Variants in FNDC3B observed in about 807,000 individuals in gnomAD.
The protein encoded by FNDC3B is fibronectin type III domain containing 3B, also known as fibronectin type III domain-containing protein 3B.
FNDC3B carries 12 observed loss-of-function variants against 151.5 expected under a neutral mutation model. The observed-to-expected ratio is 0.08, with a 90% CI of 0.05 to 0.13. The LOEUF (loss-of-function observed/expected upper bound fraction) is 0.13, where lower values mean the gene tolerates loss of function less well. FNDC3B is among the 10% of genes least tolerant of loss of function. The pLI, the probability that FNDC3B is intolerant of heterozygous loss-of-function variation, is 1.00. For missense variants in FNDC3B, 1,214 were observed against 1,505.3 expected (o/e 0.81, Z 3.20); for synonymous variants, 528 against 549.0 (o/e 0.96, Z 0.54).
chr3:172,059,233 TA>T (rs1213783741), intron 1 of FNDC3B, among the ~76,000 whole-genome samples: 2 of 152,058 alleles, frequency 1.3e-5, no homozygotes, highest in African/African-American at 2.4e-5. Context: ...GGGAGCATTT[TA>T]AAAATATTTT....
At chr3:172,174,979 C>G (rs1723504307) in intron 3 of FNDC3B, among the ~76,000 whole-genome samples, 1 of 132,254 alleles carries the variant, frequency 7.6e-6, no homozygotes, top group East Asian at 2.6e-4. Flanking sequence ...GTCCCATGTC[C>G]TAGTTTCCTC....
chr3:172,194,929 G>A (rs1724745914), intron 3 of FNDC3B, among the ~76,000 whole-genome samples: 1 of 152,146 alleles, frequency 6.6e-6, no homozygotes, highest in Non-Finnish European at 1.5e-5. Context: ...CGGCTTCTTA[G>A]GACTCCTTAG....
At chr3:172,087,445 T>C (rs916058971) in intron 1 of FNDC3B, among the ~76,000 whole-genome samples, 2 of 152,196 alleles carry the variant, frequency 1.3e-5, no homozygotes, top group African/African-American at 4.8e-5. Context: ...TGAGTGCATA[T>C]GTGTGTGGGC....
At position 172,401,309 on chromosome 3, in the gene FNDC3B, C is replaced by T. The variant is rs1212046760; in HGVS notation, c.*3834C>T. 2 of 152,230 alleles carry T rather than the reference C, an allele frequency of 1.3e-5. No homozygotes were observed. The highest frequency in any genetic ancestry group is 6.5e-5 in the Admixed American group (1 of 15,278). The allele number at this position is 152,230 out of a possible 1,614,324, so 9.4% of individuals were successfully genotyped here. Reference sequence around the variant, plus strand: ...CCAGGCAGGTGGCCTTCTGCAGAGACAGCAGCAGCTCAGCTCTTGCTGACC... The same window carrying T: ...CCAGGCAGGTGGCCTTCTGCAGAGATAGCAGCAGCTCAGCTCTTGCTGACC... On this transcript the variant is annotated 3_prime_UTR_variant, in exon 26 of 26. Transcript: ENST00000415807.
chr3:172,237,666 A>T (rs1727237963), intron 4 of FNDC3B: 1 of 152,256 alleles, frequency 6.6e-6, no homozygotes, highest in Admixed American at 6.5e-5. Flanking sequence ...GAGAGTGCTC[A>T]TAAAAACTCT....
At chr3:172,311,401 C>T (rs963962871) in intron 11 of FNDC3B, among the ~76,000 whole-genome samples, 9 of 152,010 alleles carry the variant, frequency 5.9e-5, no homozygotes, top group Non-Finnish European at 1.2e-4. Context: ...ATCGGATGCC[C>T]CCCTTGCTGT....
chr3:172,391,664 C>T (rs1736014368), intron 25 of FNDC3B, among the ~76,000 whole-genome samples: 1 of 152,208 alleles, frequency 6.6e-6, no homozygotes, highest in African/African-American at 2.4e-5. Flanking sequence ...GCTTAGATGT[C>T]AGCTTTTCTC....
chr3:172,352,707 G>C lies in FNDC3B; in HGVS notation c.2515-96G>C. On this transcript the variant is annotated intron_variant, in intron 21 of 25. Coordinates refer to ENST00000415807, the MANE Select transcript of FNDC3B (RefSeq NM_022763.4). This position sits in a 1 kb window ranked among gnomAD's most constrained non-coding sequence, Gnocchi z 4.2. Reference sequence around the variant, plus strand: ...TTTCTACCTGCATATGTGGAAATGTGTACTACTTTAGATTTATTTAATGGC... The same window carrying C: ...TTTCTACCTGCATATGTGGAAATGTCTACTACTTTAGATTTATTTAATGGC... 1 of 1,217,916 alleles carries C rather than the reference G, an allele frequency of 8.2e-7. No homozygotes were observed. Among genetic ancestry groups the C allele is most frequent in the South Asian group, 1.4e-5 (1 of 69,026 alleles). The allele number at this position is 1,217,916 out of a possible 1,614,324, so 75.4% of individuals were successfully genotyped here. A position where few individuals can be genotyped will look rare whatever the true frequency, so the allele number is the denominator to read the frequency against.
At chr3:172,162,813 G>A (rs1355694169) in intron 3 of FNDC3B, among the ~76,000 whole-genome samples, 1 of 152,100 alleles carries the variant, frequency 6.6e-6, no homozygotes, top group African/African-American at 2.4e-5. Context: ...ATGAAATTCT[G>A]TGCTAGGACC....
At position 172,285,961 on chromosome 3, in the gene FNDC3B, C is replaced by A. The variant is rs780957771; in HGVS notation, c.826C>A (p.Leu276Ile). 6.2e-7 allele frequency: 1 copy of A among 1,612,034 alleles called. No individual in the cohort carries two copies. The highest frequency in any genetic ancestry group is 8.5e-7 in the Non-Finnish European group (1 of 1,179,056). The change falls in exon 7 of 26, where the codon CTT becomes ATT. Residue 276 changes from leucine to isoleucine, a missense_variant. Transcript: ENST00000415807. ...ELEVKRVQDILSGIEKPQVSN... is the reference protein window; with the variant it reads ...ELEVKRVQDIISGIEKPQVSN... ...GGAAGTAAAGAGGGTGCAAGACATT[C>A]TTTCGGGAATAGAGAAACCACAGGT...
At chr3:172,133,585 T>G in intron 3 of FNDC3B, 39 bp downstream of exon 3, 1 of 1,426,260 alleles carries the variant, frequency 7.0e-7, no homozygotes, top group Non-Finnish European at 9.9e-7. Flanking sequence ...TCAAAGATTT[T>G]TTTCTTTATT....
At chr3:172,364,643 C>T (rs886984966) in intron 23 of FNDC3B, among the ~76,000 whole-genome samples, 2 of 152,192 alleles carry the variant, frequency 1.3e-5, no homozygotes, top group Non-Finnish European at 2.9e-5. Context: ...ACGGTGGCTC[C>T]TGGGCAAAGA....
At chr3:172,285,314 A>G (rs1729952570) in intron 6 of FNDC3B, among the ~76,000 whole-genome samples, 1 of 152,146 alleles carries the variant, frequency 6.6e-6, no homozygotes, top group African/African-American at 2.4e-5. Flanking sequence ...CACTGCAGCA[A>G]TCCACTGACT....
chr3:172,340,242 G>A (rs1014414186), intron 16 of FNDC3B, among the ~76,000 whole-genome samples: 6 of 151,416 alleles, frequency 4.0e-5, no homozygotes, highest in Admixed American at 1.3e-4. Context: ...CTTGGGTCAT[G>A]CCACATTTGG....
intron 23 of FNDC3B, among the ~76,000 whole-genome samples, chr3:172,365,213 G>A (rs1201731166): frequency 6.6e-6 from 1 of 152,158 alleles, no homozygotes; most frequent in Admixed American, 6.5e-5. Flanking sequence ...TTAGGACCTG[G>A]CTTCTGCAGT....
At chr3:172,251,651 T>C in intron 6 of FNDC3B, 110 bp downstream of exon 6, 1 of 1,066,762 alleles carries the variant, frequency 9.4e-7, no homozygotes, top group Non-Finnish European at 1.3e-6. Flanking sequence ...TTGGTTGTTC[T>C]GCTAAGAATA....
At chr3:172,237,796 T>C (rs1483236668) in intron 4 of FNDC3B, among the ~76,000 whole-genome samples, 1 of 152,236 alleles carries the variant, frequency 6.6e-6, no homozygotes, top group Non-Finnish European at 1.5e-5. Flanking sequence ...AGACAGACAA[T>C]TGTAGTTTTC....
rs552846924 is a variant in FNDC3B, at chr3:172,109,623, T to A, written c.-28-2829T>A. 9.2e-5 allele frequency among the ~76,000 whole-genome samples: 14 copies of A among 152,352 alleles called. 1 individual carries two copies. Among genetic ancestry groups the A allele is most frequent in the Admixed American group, 7.8e-4 (12 of 15,306 alleles). ...CGGTGTGACTGTTGGGTGGTTGAAT[T>A]GAAACTTAGGAGTGTATGATGTTCA... On this transcript the variant is annotated intron_variant, in intron 1 of 25. Transcript: ENST00000415807.
intron 1 of FNDC3B, among the ~76,000 whole-genome samples, chr3:172,039,993 C>A (rs1226321003): frequency 6.6e-6 from 1 of 152,166 alleles, no homozygotes; most frequent in African/African-American, 2.4e-5. Flanking sequence ...AGGGGGCGGC[C>A]CCCGCCTTGC....
Sources: gnomAD v4.1 joint callset for allele counts (sites outside exome capture counted in the v4.1 genomes callset) on GRCh38, gnomAD v4.1.1 for gene constraint, Gnocchi (gnomAD v3.1) non-coding constraint, MANE v1.5 for transcripts, NCBI Gene and HGNC (gene_info 2026-07-23, HGNC 2026-07-21) for gene names.